VPS13B: variants seen among roughly 807,000 people sequenced by gnomAD.
VPS13B encodes intermembrane lipid transfer protein VPS13B.
VPS13B carries 285 observed loss-of-function variants against 426.4 expected under a neutral mutation model. The ratio of observed to expected loss-of-function variants is 0.67; its 90% CI spans 0.61 to 0.74. The LOEUF (loss-of-function observed/expected upper bound fraction) is 0.74, where lower values mean the gene tolerates loss of function less well. Ranked by LOEUF, VPS13B falls within the 30% of genes least tolerant of loss-of-function variation. The pLI, the probability that VPS13B is intolerant of heterozygous loss-of-function variation, is 0.00. For missense variants in VPS13B, 4,537 were observed against 4,782.6 expected (o/e 0.95, Z 1.51); for synonymous variants, 1,676 against 1,676.4 (o/e 1.00, Z 0.01).
chr8:99,729,685 C>T (rs78019463), intron 39 of VPS13B, among the ~76,000 whole-genome samples: 2,966 of 152,204 alleles, frequency 0.019, 103 homozygotes, highest in African/African-American at 0.068. Flanking sequence ...TGTTTAATGT[C>T]TGTAGCTTGA....
intron 19 of VPS13B, among the ~76,000 whole-genome samples, chr8:99,338,031 A>G (rs1811026549): frequency 6.6e-6 from 1 of 152,020 alleles, no homozygotes; most frequent in South Asian, 2.1e-4. Context: ...TTATTTCTGG[A>G]ATTCTATTCT....
intron 36 of VPS13B, among the ~76,000 whole-genome samples, chr8:99,710,843 A>C (rs1165344275): frequency 1.3e-5 from 2 of 151,540 alleles, no homozygotes; most frequent in African/African-American, 4.9e-5. Context: ...TGCAAAAAAA[A>C]AAAAAAAAAA....
intron 19 of VPS13B, among the ~76,000 whole-genome samples, chr8:99,329,216 A>C (rs1810434132): frequency 6.6e-6 from 1 of 152,122 alleles, no homozygotes; most frequent in Non-Finnish European, 1.5e-5. Context: ...GTGAAAATTT[A>C]ATTCTCTTGG....
chr8:99,816,743 T>A (rs1047998563), intron 44 of VPS13B, among the ~76,000 whole-genome samples: 1 of 151,982 alleles, frequency 6.6e-6, no homozygotes, highest in African/African-American at 2.4e-5. Flanking sequence ...AGATTGAGAC[T>A]GCAGTGAGCT....
intron 21 of VPS13B, among the ~76,000 whole-genome samples, chr8:99,403,614 C>T (rs1274478578): frequency 6.6e-6 from 1 of 151,868 alleles, no homozygotes; most frequent in African/African-American, 2.4e-5. Flanking sequence ...CATGTGCCGA[C>T]CTCTTGGACA....
intron 3 of VPS13B, among the ~76,000 whole-genome samples, chr8:99,046,572 C>T (rs537605020): frequency 3.3e-5 from 5 of 152,162 alleles, no homozygotes; most frequent in Admixed American, 1.3e-4. Context: ...CTGGGTAGGA[C>T]TTCCAGTACT....
At chr8:99,167,848 C>T (rs928615548) in intron 15 of VPS13B, among the ~76,000 whole-genome samples, 3 of 152,104 alleles carry the variant, frequency 2.0e-5, no homozygotes, top group African/African-American at 4.8e-5. Context: ...CTGTTTCATA[C>T]ATTTTTATTG....
intron 54 of VPS13B, among the ~76,000 whole-genome samples, chr8:99,844,829 A>G (rs536953108): frequency 6.6e-6 from 1 of 152,272 alleles, no homozygotes; most frequent in South Asian, 2.1e-4. Context: ...AAGGTTCTAC[A>G]TTTCTGGAAT....
At chr8:99,508,034 T>G (rs1175177799) in intron 28 of VPS13B, 2 of 1,442,380 alleles carry the variant, frequency 1.4e-6, no homozygotes, top group African/African-American at 2.9e-5. Flanking sequence ...ACTTTATAAA[T>G]GAAGTATAAT....
Position 99,699,517 on chromosome 8 carries a change from T to G in VPS13B, c.6047-8T>G. On this transcript the variant is annotated splice_region_variant and splice_polypyrimidine_tract_variant and intron_variant, in intron 35 of 61. Coordinates refer to ENST00000357162, the MANE Select transcript of VPS13B (RefSeq NM_152564.5). ...TCAATAATTGTTTTCTCTTTTTTACTTCTATAGCGGATGTCAATTTGGATA... is the reference window on the plus strand; with the variant it reads ...TCAATAATTGTTTTCTCTTTTTTACGTCTATAGCGGATGTCAATTTGGATA... 6.2e-7 allele frequency: 1 copy of G among 1,613,022 alleles called. No homozygotes were observed.
intron 33 of VPS13B, among the ~76,000 whole-genome samples, chr8:99,593,976 A>G (rs1826854544): frequency 6.6e-6 from 1 of 151,854 alleles, no homozygotes; most frequent in Non-Finnish European, 1.5e-5. Context: ...GCTGCACCTA[A>G]TACCTAGGTG....
At chr8:99,844,458 C>G (rs1201568805) in intron 54 of VPS13B, among the ~76,000 whole-genome samples, 1 of 151,490 alleles carries the variant, frequency 6.6e-6, no homozygotes, top group Non-Finnish European at 1.5e-5. Flanking sequence ...ACCTCCGCCT[C>G]CCGGGTTCAA....
intron 33 of VPS13B, 177 bp downstream of exon 33, chr8:99,577,810 G>C: frequency 1.1e-6 from 1 of 917,726 alleles, no homozygotes. Context: ...AATTTGTTTG[G>C]TCTCTATTCC....
At chr8:99,278,684 C>G (rs1032145318) in intron 19 of VPS13B, among the ~76,000 whole-genome samples, 1 of 152,200 alleles carries the variant, frequency 6.6e-6, no homozygotes, top group African/African-American at 2.4e-5. Context: ...CCTCACTAAA[C>G]ACTGTATCCT....
intron 34 of VPS13B, among the ~76,000 whole-genome samples, chr8:99,653,366 G>A (rs779992261): frequency 7.2e-5 from 11 of 152,084 alleles, no homozygotes; most frequent in Non-Finnish European, 1.5e-4. Context: ...TCATTTAAAG[G>A]CAGTGATTAG....
In VPS13B at chr8:99,854,164, C is replaced by T; in HGVS notation, c.10775C>T (p.Ser3592Leu). ...TCAGACCACACTCCTCTCTCCTTCT[C>T]GGTGTTTGAAAGAGGACCCATCTTC... ...IASDHTPLSF[S>L]VFERGPIFTT... is the part of the protein sequence containing the mutation. Residue 3592 changes from serine (S) to leucine (L), a missense_variant, in exon 56 of 62, where the codon TCG (serine) becomes TTG (leucine). Around this residue, in one of 2 missense-constraint regions of VPS13B, gnomAD observed 4,311 missense variants for 4,474.3 expected, o/e 0.96. Transcript: ENST00000357162. 6 of 1,613,870 alleles carry T rather than the reference C, an allele frequency of 3.7e-6. No homozygotes were observed. The highest frequency in any genetic ancestry group is 2.2e-5 in the South Asian group (2 of 91,068).
At chr8:99,127,675 T>C (rs575819359) in intron 8 of VPS13B, among the ~76,000 whole-genome samples, 1 of 152,162 alleles carries the variant, frequency 6.6e-6, no homozygotes, top group Non-Finnish European at 1.5e-5. Flanking sequence ...TAAAAATTAT[T>C]GAGAACTCTG....
chr8:99,092,780 A>T (rs977665978), intron 3 of VPS13B, among the ~76,000 whole-genome samples: 1 of 152,096 alleles, frequency 6.6e-6, no homozygotes, highest in African/African-American at 2.4e-5. Flanking sequence ...TTTGGTTTAT[A>T]GTATATATTC....
At chr8:99,341,948 A>G (rs1811275877) in intron 19 of VPS13B, among the ~76,000 whole-genome samples, 1 of 152,170 alleles carries the variant, frequency 6.6e-6, no homozygotes, top group Non-Finnish European at 1.5e-5. Flanking sequence ...AGAGTTTTCC[A>G]TTTTGAGTTC....
Sources: gnomAD v4.1 joint callset for allele counts (sites outside exome capture counted in the v4.1 genomes callset) on GRCh38, gnomAD v4.1.1 for gene constraint, gnomAD v4.1.1 regional missense constraint, MANE v1.5 for transcripts, NCBI Gene and HGNC (gene_info 2026-07-23, HGNC 2026-07-21) for gene names.